Variants in SH3BGR observed in about 807,000 individuals in gnomAD.
SH3BGR encodes the protein SH3 domain binding glutamate rich protein.
SH3BGR carries 29 observed loss-of-function variants against 24.5 expected under a neutral mutation model. The ratio of observed to expected loss-of-function variants is 1.18; its 90% CI spans 0.88 to 1.61. SH3BGR has a LOEUF of 1.61. Ranked by LOEUF, SH3BGR falls within the 40% of genes most tolerant of loss-of-function variation. The pLI is 0.00. For synonymous variants in SH3BGR, 55 were observed against 65.7 expected (o/e 0.84, Z 0.79); for missense variants, 162 against 205.8 (o/e 0.79, Z 1.30).
intron 3 of SH3BGR, among the ~76,000 whole-genome samples, chr21:39,482,845 T>A (rs1434418766): frequency 6.6e-6 from 1 of 152,156 alleles, no homozygotes; most frequent in East Asian, 1.9e-4. Context: ...AATTTTTGTA[T>A]TTTTAGTAGA....
At chr21:39,481,031 T>G (rs1046043147) in intron 3 of SH3BGR, among the ~76,000 whole-genome samples, 1 of 152,254 alleles carries the variant, frequency 6.6e-6, no homozygotes, top group Non-Finnish European at 1.5e-5. Flanking sequence ...TTGGTATCTC[T>G]CTTTCCACAA....
chr21:39,465,392 A>G (rs554044643), intron 2 of SH3BGR, among the ~76,000 whole-genome samples: 1 of 152,244 alleles, frequency 6.6e-6, no homozygotes, highest in East Asian at 1.9e-4. Flanking sequence ...TTCATCTTGC[A>G]CTGGCTCTTT....
At chr21:39,505,002 G>C (rs1014873769) in intron 4 of SH3BGR, among the ~76,000 whole-genome samples, 1 of 152,028 alleles carries the variant, frequency 6.6e-6, no homozygotes, top group Non-Finnish European at 1.5e-5. Context: ...TTGTAGAGAT[G>C]GGGTCTTGCT....
chr21:39,457,162 A>G (rs899099712), intron 1 of SH3BGR, among the ~76,000 whole-genome samples: 1 of 146,482 alleles, frequency 6.8e-6, no homozygotes, highest in Non-Finnish European at 1.5e-5. Flanking sequence ...TATAAATCAT[A>G]TAAATTATGT....
intron 3 of SH3BGR, among the ~76,000 whole-genome samples, chr21:39,486,174 T>G (rs1248360717): frequency 6.6e-6 from 1 of 152,184 alleles, no homozygotes; most frequent in Non-Finnish European, 1.5e-5. Context: ...TATCTGTAGA[T>G]GACAAAAAAC....
At chr21:39,492,481 T>TATATATATATAC (rs1310495973) in intron 3 of SH3BGR, among the ~76,000 whole-genome samples, 1 of 81,548 alleles carries the variant, frequency 1.2e-5, no homozygotes, top group African/African-American at 3.0e-5. Context: ...TATATATATA[T>TATATATATATAC]ACACACACAC....
chr21:39,468,972 G>A (rs779788006), intron 2 of SH3BGR, among the ~76,000 whole-genome samples: 16 of 147,400 alleles, frequency 1.1e-4, no homozygotes, highest in Non-Finnish European at 1.6e-4. Context: ...TCATAAGTTG[G>A]TTTTCATAAT....
chr21:39,484,620 C>A (rs1457530624), intron 3 of SH3BGR, among the ~76,000 whole-genome samples: 1 of 152,102 alleles, frequency 6.6e-6, no homozygotes, highest in Non-Finnish European at 1.5e-5. Context: ...GGGATGGCCA[C>A]AGGATTATGA....
In SH3BGR at chr21:39,501,013, C is replaced by T. The variant is rs1453994617; in HGVS notation, c.405+1098C>T. ...AGAAAGACAAAATCTTCAATCTTGA[C>T]CTAGAAGTTAGACGGTGTTTCATGG... On this transcript the variant is annotated intron_variant, in intron 4 of 6. Coordinates refer to ENST00000333634, the MANE Select transcript of SH3BGR (RefSeq NM_007341.3). Among the ~76,000 whole-genome samples, 6 of 152,270 alleles carry T rather than the reference C, an allele frequency of 3.9e-5. No individual in the cohort carries two copies. The South Asian group carries it at 6.2e-4, about 16-fold the overall frequency.
intron 2 of SH3BGR, among the ~76,000 whole-genome samples, chr21:39,464,450 T>G (rs889796682): frequency 1.3e-5 from 2 of 152,236 alleles, no homozygotes; most frequent in Non-Finnish European, 2.9e-5. Flanking sequence ...CTCGAACTCC[T>G]GACCTCAGGT....
intron 2 of SH3BGR, 143 bp from the exon 3 acceptor site, chr21:39,474,992 G>T (rs2078003468): frequency 3.4e-6 from 2 of 583,296 alleles, no homozygotes; most frequent in Admixed American, 3.0e-5. Flanking sequence ...CTGGAGGTTA[G>T]TCATCTTTGA....
intron 3 of SH3BGR, among the ~76,000 whole-genome samples, chr21:39,485,930 C>T (rs141098995): frequency 0.014 from 2,060 of 152,164 alleles, 48 homozygotes; most frequent in African/African-American, 0.047. Context: ...CCTCGTGATC[C>T]GCCCGCCTCG....
chr21:39,509,479 T>TTG (rs2078638780), intron 5 of SH3BGR, among the ~76,000 whole-genome samples: 1 of 148,280 alleles, frequency 6.7e-6, no homozygotes, highest in African/African-American at 2.5e-5. Flanking sequence ...TTGTTTTTTT[T>TTG]TTTTTTTTTT....
intron 3 of SH3BGR, among the ~76,000 whole-genome samples, chr21:39,475,889 G>A (rs1291748941): frequency 6.6e-6 from 1 of 152,172 alleles, no homozygotes; most frequent in Non-Finnish European, 1.5e-5. Flanking sequence ...TAATCAGTGT[G>A]TGTAAAAATC....
chr21:39,447,477 G>A (rs1228066674), upstream of SH3BGR, among the ~76,000 whole-genome samples: 6 of 144,908 alleles, frequency 4.1e-5, no homozygotes, highest in South Asian at 2.2e-4. Context: ...ATGCAGTGGC[G>A]CCATCCCAGC....
At chr21:39,473,120 A>G (rs1368222288) in intron 2 of SH3BGR, among the ~76,000 whole-genome samples, 1 of 152,090 alleles carries the variant, frequency 6.6e-6, no homozygotes, top group African/African-American at 2.4e-5. Context: ...TATTTTCTAC[A>G]TATATTTGGT....
rs911895331 is a variant in SH3BGR, at chr21:39,455,241, G to T, written c.45+3100G>T. Among the ~76,000 whole-genome samples the T allele has an allele frequency of 5.9e-5, 9 of 152,210 alleles. No homozygotes were observed. The South Asian group carries it at 1.7e-3, about 28-fold the overall frequency. ...GACAGAGAACAATACTTTCTTATAA[G>T]TAAATGTAACAGGATAGGAAAACGG... On this transcript the variant is annotated intron_variant, in intron 1 of 6. Coordinates refer to ENST00000333634, the MANE Select transcript of SH3BGR (RefSeq NM_007341.3).
intron 1 of SH3BGR, among the ~76,000 whole-genome samples, chr21:39,454,267 T>A (rs546966623): frequency 4.7e-4 from 71 of 152,326 alleles, no homozygotes; most frequent in African/African-American, 1.7e-3. Context: ...TCCTACTTAT[T>A]TCTTCAGCCT....
At chr21:39,469,184 C>T (rs1472039710) in intron 2 of SH3BGR, among the ~76,000 whole-genome samples, 1 of 151,502 alleles carries the variant, frequency 6.6e-6, no homozygotes, top group Non-Finnish European at 1.5e-5. Flanking sequence ...CCCCCTGTTC[C>T]CACACATGCA....
Sources: allele counts gnomAD v4.1 joint callset (sites outside exome capture counted in the v4.1 genomes callset), GRCh38; gene constraint gnomAD v4.1.1; transcripts MANE v1.5; gene names NCBI Gene and HGNC (gene_info 2026-07-23, HGNC 2026-07-21).